ERBB4: variants seen among roughly 807,000 people sequenced by gnomAD.
ERBB4 encodes the protein receptor tyrosine-protein kinase erbB-4.
Under a neutral mutation model 158.0 loss-of-function variants are expected in ERBB4, and 42 were observed. The observed-to-expected ratio is 0.27, with a 90% CI of 0.21 to 0.34. The LOEUF (loss-of-function observed/expected upper bound fraction) is 0.34. Among genes scored for constraint, ERBB4 ranks in the 10% least tolerant of loss-of-function variants. The pLI, the probability that ERBB4 is intolerant of heterozygous loss-of-function variation, is 1.00. For synonymous variants in ERBB4, 583 were observed against 558.7 expected (o/e 1.04, Z -0.61); for missense variants, 1,333 against 1,624.1 (o/e 0.82, Z 3.08).
chr2:212,445,707 G>T (rs1211008653), intron 1 of ERBB4, among the ~76,000 whole-genome samples: 1 of 152,178 alleles, frequency 6.6e-6, no homozygotes, highest in Non-Finnish European at 1.5e-5. Flanking sequence ...CCCAATCCAG[G>T]CAGGACTACA....
At chr2:212,286,767 A>ATTTTTTTTTTTTTTTT (rs748586400) in intron 1 of ERBB4, among the ~76,000 whole-genome samples, 982 of 39,548 alleles carry the variant, frequency 0.025, 280 homozygotes, top group African/African-American at 0.045. Flanking sequence ...ATGAGGGTTA[A>ATTTTTTTTTTTTTTTT]TTTTTTTTTT....
chr2:211,578,158 A>G (rs1309643046), intron 19 of ERBB4, among the ~76,000 whole-genome samples: 3 of 152,130 alleles, frequency 2.0e-5, no homozygotes, highest in Admixed American at 6.5e-5. Flanking sequence ...ATACACCAAC[A>G]ACAGGCAAGC....
At chr2:212,129,016 A>T (rs2080028024) in intron 1 of ERBB4, among the ~76,000 whole-genome samples, 1 of 152,062 alleles carries the variant, frequency 6.6e-6, no homozygotes, top group Non-Finnish European at 1.5e-5. Context: ...TGTTGAGAAA[A>T]GGTATTATTA....
At chr2:212,100,197 G>T (rs1030137695) in intron 2 of ERBB4, among the ~76,000 whole-genome samples, 2 of 152,122 alleles carry the variant, frequency 1.3e-5, no homozygotes, top group African/African-American at 2.4e-5. Flanking sequence ...CTAATGGGTT[G>T]TTATATCAAT....
intron 2 of ERBB4, among the ~76,000 whole-genome samples, chr2:212,104,494 T>C (rs917257064): frequency 1.3e-5 from 2 of 152,224 alleles, no homozygotes; most frequent in South Asian, 2.1e-4. Flanking sequence ...TACATGCACA[T>C]AGAAACATGT....
At chr2:211,795,083 C>T (rs2076354003) in intron 3 of ERBB4, among the ~76,000 whole-genome samples, 1 of 151,798 alleles carries the variant, frequency 6.6e-6, no homozygotes, top group South Asian at 2.1e-4. Flanking sequence ...GTAATCTATT[C>T]TCCCCACAAA....
chr2:211,684,187 C>A (rs1393989804), intron 12 of ERBB4, among the ~76,000 whole-genome samples: 1 of 152,140 alleles, frequency 6.6e-6, no homozygotes. Flanking sequence ...CACGGTGGCT[C>A]ATGCCTATAA....
chr2:211,636,268 T>C (rs1410660821), intron 16 of ERBB4, among the ~76,000 whole-genome samples: 1 of 152,008 alleles, frequency 6.6e-6, no homozygotes, highest in African/African-American at 2.4e-5. Context: ...ATCTTTCAAA[T>C]TCTGTATGAC....
rs555229853 is a variant in ERBB4, at chr2:212,338,403, C to G, written c.82+200046G>C. Among the ~76,000 whole-genome samples, 7 of 152,140 alleles carry G rather than the reference C, an allele frequency of 4.6e-5. No homozygotes were observed. In the East Asian group the frequency reaches 1.4e-3, roughly 29 times the overall value. ...TGAAAGACCATATGCATATACAAGG[C>G]AACATTAAATTGAGGTGGCTGTTTT... On this transcript the variant is annotated intron_variant, in intron 1 of 27. Transcript: ENST00000342788.
intron 4 of ERBB4, among the ~76,000 whole-genome samples, chr2:211,759,717 G>A (rs2075363032): frequency 6.6e-6 from 1 of 151,084 alleles, no homozygotes; most frequent in South Asian, 2.1e-4. Flanking sequence ...TCTAATAGAT[G>A]TTCAAATTGG....
At chr2:211,833,754 C>G (rs577479712) in intron 3 of ERBB4, among the ~76,000 whole-genome samples, 1 of 151,858 alleles carries the variant, frequency 6.6e-6, no homozygotes, top group Non-Finnish European at 1.5e-5. Flanking sequence ...TAACATGGCT[C>G]AGGTTTCCAC....
chr2:212,076,958 G>T (rs2078293686), intron 2 of ERBB4, among the ~76,000 whole-genome samples: 1 of 151,880 alleles, frequency 6.6e-6, no homozygotes, highest in South Asian at 2.1e-4. Context: ...GGGAAGAAAA[G>T]ACATCCAGTA....
intron 1 of ERBB4, among the ~76,000 whole-genome samples, chr2:212,194,972 T>C (rs12471395): frequency 0.052 from 7,977 of 152,064 alleles, 408 homozygotes; most frequent in South Asian, 0.21. Flanking sequence ...ATACTGAAGT[T>C]TTTAAAAATG....
At chr2:211,999,082 A>G (rs1473861229) in intron 2 of ERBB4, among the ~76,000 whole-genome samples, 1 of 151,708 alleles carries the variant, frequency 6.6e-6, no homozygotes, top group Non-Finnish European at 1.5e-5. Flanking sequence ...CAATAAAGGC[A>G]TAACTAGATT....
At chr2:211,872,272 C>A (rs1233139521) in intron 3 of ERBB4, among the ~76,000 whole-genome samples, 2 of 152,102 alleles carry the variant, frequency 1.3e-5, no homozygotes, top group Non-Finnish European at 2.9e-5. Context: ...TCACAAATTA[C>A]AACATTCGGG....
intron 3 of ERBB4, among the ~76,000 whole-genome samples, chr2:211,831,772 A>G (rs2077225229): frequency 6.6e-6 from 1 of 152,016 alleles, no homozygotes; most frequent in South Asian, 2.1e-4. Context: ...GCGTGGCAGC[A>G]GGTGCATATA....
intron 25 of ERBB4, among the ~76,000 whole-genome samples, chr2:211,415,114 T>C (rs967630597): frequency 8.9e-6 from 1 of 112,766 alleles, no homozygotes; most frequent in Non-Finnish European, 1.9e-5. Flanking sequence ...TTTCTTTTTT[T>C]TTTTTTTTTT....
chr2:211,549,408 G>T (rs185203496), intron 20 of ERBB4, among the ~76,000 whole-genome samples: 1 of 152,006 alleles, frequency 6.6e-6, no homozygotes, highest in Non-Finnish European at 1.5e-5. Context: ...GATTGGGTAG[G>T]GAGACCTATG....
At chr2:211,798,466 G>C (rs978690408) in intron 3 of ERBB4, among the ~76,000 whole-genome samples, 23 of 151,900 alleles carry the variant, frequency 1.5e-4, no homozygotes, top group African/African-American at 5.1e-4. Context: ...ATTACTTCAC[G>C]TTTCTTTTCT....
Sources: gnomAD v4.1 joint callset for allele counts (sites outside exome capture counted in the v4.1 genomes callset) on GRCh38, gnomAD v4.1.1 for gene constraint, MANE v1.5 for transcripts, NCBI Gene and HGNC (gene_info 2026-07-23, HGNC 2026-07-21) for gene names.